Variants in PRMT2 observed in about 807,000 individuals in gnomAD.
PRMT2 encodes the protein protein arginine N-methyltransferase 2.
PRMT2 carries 26 observed loss-of-function variants against 57.6 expected under a neutral mutation model. The observed-to-expected ratio is 0.45, with a 90% CI of 0.33 to 0.63. The LOEUF (loss-of-function observed/expected upper bound fraction) is 0.63, where lower values mean the gene tolerates loss of function less well. Among genes scored for constraint, PRMT2 ranks in the 20% least tolerant of loss-of-function variants. PRMT2 has a pLI of 0.02. For synonymous variants in PRMT2, 219 were observed against 220.0 expected (o/e 1.00, Z 0.04); for missense variants, 472 against 564.4 (o/e 0.84, Z 1.66).
At position 46,645,303 on chromosome 21, in the gene PRMT2, T is replaced by G. The variant is rs149111759; in HGVS notation, c.327+815T>G. On this transcript the variant is annotated intron_variant, in intron 5 of 11. Coordinates refer to ENST00000355680, the MANE Select transcript of PRMT2 (RefSeq NM_206962.4). The stretch of plus-strand genomic sequence containing the variant: ...AAATAGAAAAAATTCTATAAATCTA[T>G]GAATAATACTACTTAGGTCAGGTGT... Among the ~76,000 whole-genome samples, 293 of 152,120 alleles carry G rather than the reference T, an allele frequency of 1.9e-3. 3 individuals are homozygous for G. The highest frequency in any genetic ancestry group is 6.8e-3 in the African/African-American group (280 of 41,388).
In PRMT2 at chr21:46,661,842, A is replaced by G; in HGVS notation, c.1003A>G (p.Thr335Ala). The G allele has an allele frequency of 6.6e-7, 1 of 1,508,516 alleles. No individual in the cohort carries two copies. Among genetic ancestry groups the G allele is most frequent in the South Asian group, 1.3e-5 (1 of 79,386 alleles). The allele number at this position is 1,508,516 out of a possible 1,614,324, so 93.4% of individuals were successfully genotyped here. ...GCGCTTCGACATCAGGAAGGCGGGG[A>G]CCCTGCACGGCTTCACGGCCTGGTT... ...ELRFDIRKAG[T>A]LHGFTAWFSV... is the part of the protein sequence containing the mutation. The change falls in exon 10 of 12, where the codon ACC becomes GCC. Residue 335 changes from threonine (T) to alanine (A), a missense_variant. By Grantham distance (58) the Thr-to-Ala change is moderately conservative. Around this residue, in one of 2 missense-constraint regions of PRMT2, gnomAD observed 229 missense variants for 217.2 expected, o/e 1.05. Transcript: ENST00000355680.
At chr21:46,655,474 A>G (rs1363389733) in intron 7 of PRMT2, among the ~76,000 whole-genome samples, 1 of 152,238 alleles carries the variant, frequency 6.6e-6, no homozygotes, top group Non-Finnish European at 1.5e-5. Flanking sequence ...TTATATCAAT[A>G]CAGAAAAAAA....
intron 10 of PRMT2, 121 bp downstream of exon 10, chr21:46,662,057 A>T: frequency 3.3e-5 from 1 of 29,930 alleles, no homozygotes; most frequent in African/African-American, 1.4e-4. Flanking sequence ...GGGGTGGGGC[A>T]CGTGGGGGCG....
At chr21:46,638,583 T>C (rs1413094299) in intron 3 of PRMT2, among the ~76,000 whole-genome samples, 1 of 152,246 alleles carries the variant, frequency 6.6e-6, no homozygotes, top group Non-Finnish European at 1.5e-5. Flanking sequence ...CACAGGTCTG[T>C]CAGTAGCCCA....
intron 3 of PRMT2, 93 bp downstream of exon 3, chr21:46,637,083 G>A: frequency 1.4e-6 from 2 of 1,413,870 alleles, no homozygotes; most frequent in Non-Finnish European, 2.0e-6. Flanking sequence ...ATGGAGCTTG[G>A]CTTGTGCCTT....
chr21:46,637,171 A>T (rs2061187633), intron 3 of PRMT2, among the ~76,000 whole-genome samples, 181 bp downstream of exon 3: 1 of 152,252 alleles, frequency 6.6e-6, no homozygotes. Context: ...GTAAGGTGAC[A>T]TCCTGCATTG....
At chr21:46,653,595 A>G in intron 7 of PRMT2, 1 of 1,120,494 alleles carries the variant, frequency 8.9e-7, no homozygotes, top group Non-Finnish European at 1.1e-6. Flanking sequence ...CTAAGGGAGG[A>G]CTTCTGGCCC....
intron 2 of PRMT2, 90 bp from the exon 3 acceptor site, chr21:46,636,806 A>G (rs2061179795): frequency 4.4e-6 from 3 of 682,416 alleles, no homozygotes; most frequent in Non-Finnish European, 7.2e-6. Context: ...TCTATTTGGT[A>G]GAGGACATCA....
intron 9 of PRMT2, chr21:46,661,198 C>T: frequency 2.8e-6 from 1 of 359,404 alleles, no homozygotes; most frequent in Non-Finnish European, 4.9e-6. Context: ...TTTATGTCTC[C>T]AGCGTCTTCA....
intron 4 of PRMT2, 78 bp downstream of exon 4, chr21:46,643,717 A>G: frequency 6.7e-7 from 1 of 1,484,064 alleles, no homozygotes; most frequent in South Asian, 1.4e-5. Flanking sequence ...TGCAGACGTC[A>G]CACCAAAGTT....
chr21:46,651,625 G>A (rs983648652), intron 7 of PRMT2, among the ~76,000 whole-genome samples: 1 of 152,144 alleles, frequency 6.6e-6, no homozygotes, highest in African/African-American at 2.4e-5. Context: ...CCCCCAGGGA[G>A]ACTGAGGGAC....
intron 8 of PRMT2, chr21:46,659,895 G>T: frequency 1.0e-6 from 1 of 985,462 alleles, no homozygotes; most frequent in Non-Finnish European, 1.2e-6. Flanking sequence ...AAGGGTTTAA[G>T]AGACAGTAAA....
intron 5 of PRMT2, among the ~76,000 whole-genome samples, chr21:46,645,388 G>T (rs1208040706): frequency 1.2e-5 from 1 of 85,044 alleles, no homozygotes; most frequent in Non-Finnish European, 2.6e-5. Flanking sequence ...ATCACTTGAA[G>T]CCAGGAGTTC....
intron 11 of PRMT2, 130 bp from the exon 12 acceptor site, chr21:46,664,165 A>G (rs1276457944): frequency 2.9e-6 from 2 of 694,104 alleles, no homozygotes; most frequent in Non-Finnish European, 5.0e-6. Context: ...TTTTTGTTAA[A>G]AGTTTGTCAT....
chr21:46,658,636 G>A, intron 7 of PRMT2, 109 bp from the exon 8 acceptor site: 3 of 1,529,998 alleles, frequency 2.0e-6, no homozygotes, highest in Non-Finnish European at 2.6e-6. Context: ...ATATTCTTGA[G>A]GCTAAAACTG....
chr21:46,646,021 A>G (rs2061359881), intron 5 of PRMT2, among the ~76,000 whole-genome samples: 1 of 152,030 alleles, frequency 6.6e-6, no homozygotes, highest in Non-Finnish European at 1.5e-5. Flanking sequence ...GCCGGAAGGT[A>G]CTGTTTGTGA....
rs530142232 is a variant in PRMT2 at position 46,649,377 on chromosome 21, G to A, written c.490-198G>A. 5 of 763,738 alleles carry A rather than the reference G, an allele frequency of 6.5e-6. No individual in the cohort carries two copies. Among genetic ancestry groups the A allele is most frequent in the Admixed American group, 4.1e-5 (2 of 48,382 alleles). The allele number at this position is 763,738 out of a possible 1,614,324, so 47.3% of individuals were successfully genotyped here. On this transcript the variant is annotated intron_variant, in intron 6 of 11. Coordinates refer to ENST00000355680, the MANE Select transcript of PRMT2 (RefSeq NM_206962.4). The surrounding 1 kb of genome is among the most constrained non-coding windows in gnomAD (Gnocchi z 4.8). ...TCTTGTCCGGGAGGTGGGGGCAGTT[G>A]GGAGGGTTAGAGGCGGCTCCTTTCT... is the stretch of plus-strand genomic sequence containing the variant.
chr21:46,641,194 A>C (rs2300407), intron 3 of PRMT2, among the ~76,000 whole-genome samples: 12,437 of 151,908 alleles, frequency 0.082, 820 homozygotes, highest in East Asian at 0.34. Context: ...GTCATCACAT[A>C]AGCTTGTCTG....
chr21:46,664,530 C>T lies in PRMT2; in HGVS notation c.*203C>T, dbSNP rs2061675795. ...GGCTCGGCAGGAGCTGCCGTGGCCA[C>T]CCCCGCTGCCCAGTGTCTGCCCTCT... On this transcript the variant is annotated 3_prime_UTR_variant, in exon 12 of 12. Transcript: ENST00000355680. 3 of 642,652 alleles carry T rather than the reference C, an allele frequency of 4.7e-6. No individual in the cohort carries two copies. The highest frequency in any genetic ancestry group is 2.4e-5 in the Admixed American group (1 of 41,148). The allele number at this position is 642,652 out of a possible 1,614,324, so 39.8% of individuals were successfully genotyped here.
Sources: allele counts gnomAD v4.1 joint callset (sites outside exome capture counted in the v4.1 genomes callset), GRCh38; gene constraint gnomAD v4.1.1; regional missense constraint gnomAD v4.1.1; non-coding constraint Gnocchi (gnomAD v3.1); transcripts MANE v1.5; gene names NCBI Gene and HGNC (gene_info 2026-07-23, HGNC 2026-07-21).